The following LEMD3 variants were observed in gnomAD, a reference collection of about 807,000 sequenced individuals.
LEMD3 encodes the protein inner nuclear membrane protein Man1.
A neutral mutation model predicts 95.2 loss-of-function variants in LEMD3; 33 were observed. That is an observed-to-expected ratio of 0.35 (90% CI 0.26 to 0.46). LEMD3 has a LOEUF of 0.46. LEMD3 is among the 20% of genes least tolerant of loss of function. The pLI is 1.00. For synonymous variants in LEMD3, 525 were observed against 474.6 expected (o/e 1.11, Z -1.38); for missense variants, 1,210 against 1,192.8 (o/e 1.01, Z -0.21).
intron 1 of LEMD3, among the ~76,000 whole-genome samples, chr12:65,188,941 C>A (rs1869151439): frequency 6.6e-6 from 1 of 152,110 alleles, no homozygotes; most frequent in African/African-American, 2.4e-5. Flanking sequence ...AATAGTAGTT[C>A]TTTCTTACCC....
At chr12:65,226,064 A>T (rs1056064547) in intron 4 of LEMD3, among the ~76,000 whole-genome samples, 1 of 152,072 alleles carries the variant, frequency 6.6e-6, no homozygotes, top group African/African-American at 2.4e-5. Context: ...GTTTTTCTCA[A>T]CTTTCTTCAT....
intron 4 of LEMD3, 82 bp downstream of exon 4, chr12:65,218,701 G>T (rs1870186392): frequency 5.1e-6 from 4 of 779,490 alleles, no homozygotes; most frequent in Non-Finnish European, 6.2e-6. Flanking sequence ...TCATATGTTT[G>T]ATTATTTTAA....
chr12:65,204,596 T>A (rs1002291118), intron 1 of LEMD3, among the ~76,000 whole-genome samples: 16 of 152,204 alleles, frequency 1.1e-4, no homozygotes, highest in African/African-American at 3.6e-4. Context: ...GCATTTAGGT[T>A]GATTCCATGT....
intron 1 of LEMD3, among the ~76,000 whole-genome samples, chr12:65,204,460 T>C (rs564839162): frequency 1.3e-5 from 2 of 152,292 alleles, no homozygotes; most frequent in Non-Finnish European, 2.9e-5. Context: ...GTTAGTTTGC[T>C]GAGGATAATG....
At chr12:65,245,575 C>CA (rs1244415938) in intron 10 of LEMD3, 94 bp from the exon 11 acceptor site, 34 of 857,320 alleles carry the variant, frequency 4.0e-5, no homozygotes, top group Non-Finnish European at 8.0e-6. Flanking sequence ...AAAACTATAC[C>CA]AATTCTAGTA....
At position 65,171,068 on chromosome 12, in the gene LEMD3, C is replaced by G; in HGVS notation, c.1472C>G (p.Thr491Ser). The G allele has an allele frequency of 1.2e-6, 2 of 1,613,954 alleles. No individual in the cohort carries two copies. The highest frequency in any genetic ancestry group is 8.5e-7 in the Non-Finnish European group (1 of 1,180,030). ...ACLFFLILGL[T>S]YLGMRGTGVS... ...TTATTTTTCCTAATACTGGGACTGA[C>G]TTACCTAGGAATGAGAGGGACAGGA... is the stretch of plus-strand genomic sequence containing the variant. Residue 491 changes from threonine to serine, a missense_variant, in exon 1 of 13, where the codon ACT (threonine) becomes AGT (serine). Around this residue, in one of 2 missense-constraint regions of LEMD3, gnomAD observed 461 missense variants for 569.8 expected, o/e 0.81. Coordinates refer to ENST00000308330, the MANE Select transcript of LEMD3 (RefSeq NM_014319.5).
chr12:65,172,310 A>G (rs1217172196), intron 1 of LEMD3, among the ~76,000 whole-genome samples: 1 of 152,108 alleles, frequency 6.6e-6, no homozygotes, highest in Non-Finnish European at 1.5e-5. Context: ...AAGGCTTCCT[A>G]CTCTTTTCAC....
intron 4 of LEMD3, among the ~76,000 whole-genome samples, chr12:65,234,671 A>G (rs1424144990): frequency 6.6e-6 from 1 of 152,196 alleles, no homozygotes; most frequent in Non-Finnish European, 1.5e-5. Context: ...AATAAAGGAA[A>G]GGAAAACAGA....
intron 6 of LEMD3, 43 bp downstream of exon 6, chr12:65,238,857 T>C: frequency 6.2e-7 from 1 of 1,602,250 alleles, no homozygotes; most frequent in Admixed American, 1.7e-5. Context: ...GCAGCCTGAA[T>C]TTTTGTGTGT....
rs1015347524 is a variant in LEMD3 at position 65,243,308 on chromosome 12, T to C, written c.2306-80T>C. On this transcript the variant is annotated intron_variant, in intron 9 of 12. Coordinates refer to ENST00000308330, the MANE Select transcript of LEMD3 (RefSeq NM_014319.5). ...CTAGTAAAAGCATGCAGTGAATATT[T>C]TTTGAATGAACTGAATGATTGAATA... 1.2e-5 allele frequency: 11 copies of C among 892,632 alleles called. No homozygotes were observed. The African/African-American group carries it at 1.6e-4, about 13-fold the overall frequency. The allele number at this position is 892,632 out of a possible 1,614,324, so 55.3% of individuals were successfully genotyped here. A position where few individuals can be genotyped will look rare whatever the true frequency, so the allele number is the denominator to read the frequency against.
intron 4 of LEMD3, among the ~76,000 whole-genome samples, chr12:65,235,317 T>C (rs912465525): frequency 6.6e-6 from 1 of 152,162 alleles, no homozygotes; most frequent in Non-Finnish European, 1.5e-5. Context: ...CAATTGAAAC[T>C]AATTGCCTGA....
At chr12:65,189,528 G>A (rs886393472) in intron 1 of LEMD3, among the ~76,000 whole-genome samples, 1 of 152,144 alleles carries the variant, frequency 6.6e-6, no homozygotes, top group African/African-American at 2.4e-5. Flanking sequence ...CCCAGTACCC[G>A]CCTGTAGGGC....
intron 4 of LEMD3, among the ~76,000 whole-genome samples, chr12:65,219,925 A>G (rs993746189): frequency 1.3e-5 from 2 of 152,198 alleles, no homozygotes; most frequent in Non-Finnish European, 2.9e-5. Flanking sequence ...GTATGTATAC[A>G]TATATTTTCT....
At chr12:65,218,042 C>T (rs1870161871) in intron 3 of LEMD3, among the ~76,000 whole-genome samples, 1 of 152,196 alleles carries the variant, frequency 6.6e-6, no homozygotes, top group Admixed American at 6.5e-5. Context: ...TAGTTATACT[C>T]TGAAAATGCA....
chr12:65,228,365 T>TTTA (rs3047069), intron 4 of LEMD3, among the ~76,000 whole-genome samples: 133,043 of 138,834 alleles, frequency 0.96, 63,999 homozygotes, highest in Middle Eastern at 1. Context: ...CTTTTTGTGT[T>TTTA]TTATTATTAT....
Position 65,170,139 on chromosome 12 carries a change from G to A in LEMD3, c.543G>A (p.Glu181=). 6.8e-7 allele frequency: 1 copy of A among 1,470,688 alleles called. No individual in the cohort carries two copies. The highest frequency in any genetic ancestry group is 9.0e-7 in the Non-Finnish European group (1 of 1,116,512). The allele number at this position is 1,470,688 out of a possible 1,614,324, so 91.1% of individuals were successfully genotyped here. ...KAPPAPLAAS[E]VTNSNSAERR... ...CGCCGGCGCCCCTGGCCGCCAGCGAGGTGACTAACAGCAACTCTGCAGAGC... is the reference window on the plus strand; with the variant it reads ...CGCCGGCGCCCCTGGCCGCCAGCGAAGTGACTAACAGCAACTCTGCAGAGC... The change falls in exon 1 of 13, where the codon GAG becomes GAA. Residue 181 remains glutamate, a synonymous_variant. Coordinates refer to ENST00000308330, the MANE Select transcript of LEMD3 (RefSeq NM_014319.5).
At chr12:65,173,694 A>G (rs905022408) in intron 1 of LEMD3, among the ~76,000 whole-genome samples, 1 of 152,240 alleles carries the variant, frequency 6.6e-6, no homozygotes, top group African/African-American at 2.4e-5. Flanking sequence ...AGAGAGATAA[A>G]TAGTTAAGAC....
At chr12:65,241,195 T>C in intron 9 of LEMD3, 108 bp downstream of exon 9, 1 of 923,518 alleles carries the variant, frequency 1.1e-6, no homozygotes, top group Non-Finnish European at 1.7e-6. Context: ...GGCAAAACTC[T>C]CTCGTTCTGT....
chr12:65,229,898 T>C (rs572310362), intron 4 of LEMD3, among the ~76,000 whole-genome samples: 6 of 152,370 alleles, frequency 3.9e-5, no homozygotes, highest in African/African-American at 1.4e-4. Context: ...TCCAGACTAA[T>C]GTCCTGAAGC....
Sources: gnomAD v4.1 joint callset for allele counts (sites outside exome capture counted in the v4.1 genomes callset) on GRCh38, gnomAD v4.1.1 for gene constraint, gnomAD v4.1.1 regional missense constraint, MANE v1.5 for transcripts, NCBI Gene and HGNC (gene_info 2026-07-23, HGNC 2026-07-21) for gene names.